The following KIAA1217 variants were observed in gnomAD, a reference collection of about 807,000 sequenced individuals.
The protein encoded by KIAA1217 is KIAA1217.
In KIAA1217, 88 loss-of-function variants were observed where a neutral mutation model predicts 163.9. That is an observed-to-expected ratio of 0.54 (90% CI 0.45 to 0.64). The LOEUF is 0.64. KIAA1217 is among the 30% of genes least tolerant of loss of function. The pLI is 0.00. For missense variants in KIAA1217, 2,372 were observed against 2,475.0 expected (o/e 0.96, Z 0.88); for synonymous variants, 903 against 923.1 (o/e 0.98, Z 0.39).
chr10:24,421,290 A>C (rs1279926210), intron 3 of KIAA1217, among the ~76,000 whole-genome samples: 1 of 152,120 alleles, frequency 6.6e-6, no homozygotes, highest in Non-Finnish European at 1.5e-5. Context: ...ACAGACGTGA[A>C]CCATCATGCC....
At chr10:23,918,496 C>T (rs1423962093) in intron 1 of KIAA1217, among the ~76,000 whole-genome samples, 1 of 152,084 alleles carries the variant, frequency 6.6e-6, no homozygotes, top group African/African-American at 2.4e-5. Flanking sequence ...CAGTCTGCTG[C>T]AGTGCTGGGT....
chr10:24,276,720 C>G (rs555742852), intron 2 of KIAA1217, among the ~76,000 whole-genome samples: 1 of 151,958 alleles, frequency 6.6e-6, no homozygotes, highest in Non-Finnish European at 1.5e-5. Flanking sequence ...AGTGATTGTC[C>G]TGCCTCAGCC....
Position 23,777,873 on chromosome 10 carries a change from G to A in KIAA1217, c.-321+82639G>A, listed in dbSNP as rs957733062. 3.7e-4 allele frequency among the ~76,000 whole-genome samples: 57 copies of A among 152,232 alleles called. 2 individuals carry two copies. Among genetic ancestry groups the A allele is most frequent in the Admixed American group, 3.1e-3 (47 of 15,290 alleles). On this transcript the variant is annotated intron_variant, in intron 1 of 18. Coordinates refer to the KIAA1217 transcript ENST00000376462. ...AGGGGTGGAAAGGAAGTCAAGTCAC[G>A]GAAAATGCTTTCTGTTTACCTCTTT... is the stretch of plus-strand genomic sequence containing the variant.
intron 1 of KIAA1217, among the ~76,000 whole-genome samples, chr10:23,710,605 G>T (rs1231945681): frequency 6.6e-6 from 1 of 152,182 alleles, no homozygotes; most frequent in Non-Finnish European, 1.5e-5. Context: ...AACATAGTGG[G>T]TGTTCTATTT....
intron 2 of KIAA1217, among the ~76,000 whole-genome samples, chr10:24,045,512 CTCATCTT>C (rs1248644803): frequency 1.3e-5 from 2 of 151,984 alleles, no homozygotes; most frequent in Non-Finnish European, 2.9e-5. Flanking sequence ...TTTTCTGATA[CTCATCTT>C]TCCCTTATAT....
chr10:23,974,955 G>C (rs775919814), intron 1 of KIAA1217, among the ~76,000 whole-genome samples: 1 of 151,354 alleles, frequency 6.6e-6, no homozygotes, highest in Non-Finnish European at 1.5e-5. Context: ...TCTTTTTCAC[G>C]AGCCCTGGGT....
chr10:23,913,369 G>GT (rs1421685476), intron 1 of KIAA1217, among the ~76,000 whole-genome samples: 4 of 151,310 alleles, frequency 2.6e-5, no homozygotes, highest in East Asian at 1.9e-4. Context: ...TTACCGTGTT[G>GT]TTTTTTTGTT....
chr10:23,699,849 T>C (rs1466944320), intron 1 of KIAA1217, among the ~76,000 whole-genome samples: 2 of 152,216 alleles, frequency 1.3e-5, no homozygotes. Flanking sequence ...TATAATTGCT[T>C]TTCCTCCAGA....
At chr10:24,155,441 G>C (rs1476672155) in intron 2 of KIAA1217, among the ~76,000 whole-genome samples, 1 of 152,154 alleles carries the variant, frequency 6.6e-6, no homozygotes, top group Admixed American at 6.6e-5. Flanking sequence ...GGAATTGAAT[G>C]ATTTGCCTAA....
At chr10:24,093,468 G>A (rs1307686921) in intron 2 of KIAA1217, among the ~76,000 whole-genome samples, 1 of 151,324 alleles carries the variant, frequency 6.6e-6, no homozygotes, top group Non-Finnish European at 1.5e-5. Flanking sequence ...CACCACTCTC[G>A]GCTCTATTCT....
intron 2 of KIAA1217, among the ~76,000 whole-genome samples, chr10:24,247,788 G>A (rs2073995055): frequency 6.6e-6 from 1 of 152,178 alleles, no homozygotes; most frequent in African/African-American, 2.4e-5. Flanking sequence ...ACAACAGAGT[G>A]AGGCTCCGTC....
chr10:24,038,797 G>T (rs1848503059), intron 2 of KIAA1217, among the ~76,000 whole-genome samples: 1 of 140,128 alleles, frequency 7.1e-6, no homozygotes, highest in Admixed American at 7.7e-5. Context: ...TGTCACCCAG[G>T]CTGGAGTGCA....
intron 1 of KIAA1217, among the ~76,000 whole-genome samples, chr10:23,729,318 G>A (rs185201078): frequency 5.1e-4 from 77 of 152,260 alleles, no homozygotes; most frequent in African/African-American, 1.8e-3. Context: ...ATACTAAGGG[G>A]CATGATTGCT....
rs893922951 is a variant in KIAA1217 at position 23,695,568 on chromosome 10, C to T, written c.-321+334C>T. Among the ~76,000 whole-genome samples the T allele has an allele frequency of 1.3e-5, 2 of 152,068 alleles. No individual in the cohort carries two copies. Among genetic ancestry groups the T allele is most frequent in the African/African-American group, 4.8e-5 (2 of 41,420 alleles). On this transcript the variant is annotated intron_variant, in intron 1 of 18. Coordinates refer to the KIAA1217 transcript ENST00000376462. This position sits in a 1 kb window ranked among gnomAD's most constrained non-coding sequence, Gnocchi z 4.9. ...CACCTATCCTGGTGACCTTGGCGTG[C>T]CCCCCTGGAGTGGCGAGCCAGGGGC...
intron 2 of KIAA1217, among the ~76,000 whole-genome samples, chr10:24,046,687 G>A (rs1433466593): frequency 6.6e-6 from 1 of 152,278 alleles, no homozygotes; most frequent in East Asian, 1.9e-4. Context: ...CTCCCACCAT[G>A]CACTTCCCCT....
At chr10:24,411,166 A>G (rs969501443) in intron 3 of KIAA1217, among the ~76,000 whole-genome samples, 19 of 152,212 alleles carry the variant, frequency 1.2e-4, no homozygotes, top group Admixed American at 6.5e-5. Context: ...TGGTCCTGAC[A>G]TGCAATTGCT....
intron 1 of KIAA1217, among the ~76,000 whole-genome samples, chr10:23,921,489 T>C (rs1428080753): frequency 1.3e-5 from 2 of 152,206 alleles, no homozygotes; most frequent in African/African-American, 4.8e-5. Context: ...TCTCTTGTAC[T>C]GATATTTTAG....
chr10:24,028,654 T>G (rs749441381), intron 2 of KIAA1217, among the ~76,000 whole-genome samples: 14 of 152,166 alleles, frequency 9.2e-5, no homozygotes, highest in Non-Finnish European at 1.8e-4. Flanking sequence ...AAGGGAAATG[T>G]ATTATTGCTT....
At chr10:24,240,488 C>A (rs926619980) in intron 2 of KIAA1217, among the ~76,000 whole-genome samples, 1 of 152,238 alleles carries the variant, frequency 6.6e-6, no homozygotes, top group African/African-American at 2.4e-5. Context: ...AACTCACATT[C>A]ATATTAAATT....
Sources: allele counts gnomAD v4.1 joint callset (sites outside exome capture counted in the v4.1 genomes callset), GRCh38; gene constraint gnomAD v4.1.1; non-coding constraint Gnocchi (gnomAD v3.1); transcripts MANE v1.5; gene names NCBI Gene and HGNC (gene_info 2026-07-23, HGNC 2026-07-21).